The following BCR variants were observed in gnomAD, a reference collection of about 807,000 sequenced individuals.
The protein encoded by BCR is BCR activator of RhoGEF and GTPase, also known as breakpoint cluster region protein.
A neutral mutation model predicts 138.6 loss-of-function variants in BCR; 58 were observed. That is an observed-to-expected ratio of 0.42 (90% CI 0.34 to 0.52). The LOEUF (loss-of-function observed/expected upper bound fraction) is 0.52, where lower values mean the gene tolerates loss of function less well. Ranked by LOEUF, BCR falls within the 20% of genes least tolerant of loss-of-function variation. The pLI is 0.06. For missense variants in BCR, 1,599 were observed against 1,727.2 expected (o/e 0.93, Z 1.32); for synonymous variants, 786 against 730.1 (o/e 1.08, Z -1.23).
intron 1 of BCR, among the ~76,000 whole-genome samples, chr22:23,191,690 T>G (rs972513811): frequency 6.6e-6 from 1 of 152,148 alleles, no homozygotes; most frequent in African/African-American, 2.4e-5. Context: ...TGGAGGTCTG[T>G]GTCTCGGGCC....
chr22:23,193,427 C>T (rs1426659065), intron 1 of BCR, among the ~76,000 whole-genome samples: 1 of 152,236 alleles, frequency 6.6e-6, no homozygotes, highest in African/African-American at 2.4e-5. Context: ...TGTCTGGTCT[C>T]ATAGAGTCTC....
intron 1 of BCR, among the ~76,000 whole-genome samples, chr22:23,229,325 A>G (rs987910254): frequency 6.6e-6 from 1 of 152,112 alleles, no homozygotes; most frequent in Non-Finnish European, 1.5e-5. Context: ...TGATAATTCA[A>G]ACATTTGGGT....
chr22:23,182,423 A>G (rs1419133979), intron 1 of BCR, among the ~76,000 whole-genome samples, 184 bp downstream of exon 1: 1 of 152,254 alleles, frequency 6.6e-6, no homozygotes, highest in African/African-American at 2.4e-5. Context: ...TCCTGAATGC[A>G]TACTGTTAGT....
At chr22:23,311,584 A>G (rs2074008198) in intron 18 of BCR, 113 bp from the exon 19 acceptor site, 9 of 760,292 alleles carry the variant, frequency 1.2e-5, no homozygotes, top group Admixed American at 6.9e-5. Flanking sequence ...AGACCTGGGT[A>G]CCTTCGTCAC....
intron 1 of BCR, among the ~76,000 whole-genome samples, chr22:23,235,945 T>C (rs894913462): frequency 2.1e-4 from 32 of 152,178 alleles, no homozygotes; most frequent in Non-Finnish European, 2.2e-4. Flanking sequence ...TACCATCACA[T>C]TGGGGGTTAG....
chr22:23,272,558 C>A (rs938375794), intron 6 of BCR, among the ~76,000 whole-genome samples: 1 of 152,238 alleles, frequency 6.6e-6, no homozygotes, highest in East Asian at 1.9e-4. Context: ...GGCTCATGTG[C>A]CTCTGGAGTC....
intron 1 of BCR, among the ~76,000 whole-genome samples, chr22:23,247,079 T>C (rs2073165640): frequency 6.6e-6 from 1 of 152,142 alleles, no homozygotes; most frequent in Non-Finnish European, 1.5e-5. Context: ...GGACAGTGCC[T>C]GCCTGACAAT....
At position 23,194,708 on chromosome 22, in the gene BCR, G is replaced by A. The variant is rs954312274; in HGVS notation, c.1279+12469G>A. Among the ~76,000 whole-genome samples, 16 of 152,012 alleles carry A rather than the reference G, an allele frequency of 1.1e-4. No homozygotes were observed. The East Asian group carries it at 2.2e-3, about 20-fold the overall frequency. ...ATTACAGGCATGAGCCACTGTGCCC[G>A]GCCGGGTGGATCTCTTATTCCCAGG... On this transcript the variant is annotated intron_variant, in intron 1 of 22. Transcript: ENST00000305877.
intron 16 of BCR, among the ~76,000 whole-genome samples, chr22:23,297,214 G>T (rs77037542): frequency 0.13 from 10,948 of 83,644 alleles, 888 homozygotes; most frequent in African/African-American, 0.21. Flanking sequence ...GTTGTTTTTT[G>T]TTTTTTGTTT....
chr22:23,243,203 G>C (rs905374787), intron 1 of BCR, among the ~76,000 whole-genome samples: 3 of 152,134 alleles, frequency 2.0e-5, no homozygotes, highest in East Asian at 3.9e-4. Flanking sequence ...ATGCTAATGA[G>C]GTGATGCTTG....
intron 16 of BCR, chr22:23,302,445 G>A (rs551650964): frequency 3.9e-5 from 6 of 152,280 alleles, no homozygotes; most frequent in African/African-American, 9.6e-5. Context: ...CTCACCTCAC[G>A]GGAGGGTCTC....
intron 1 of BCR, among the ~76,000 whole-genome samples, chr22:23,183,582 C>A (rs1438304445): frequency 1.3e-5 from 2 of 152,228 alleles, no homozygotes; most frequent in South Asian, 4.1e-4. Flanking sequence ...TATTCAGAAG[C>A]CTGCTTTGCA....
At chr22:23,262,207 G>A (rs1011474920) in intron 4 of BCR, 5 of 152,554 alleles carry the variant, frequency 3.3e-5, no homozygotes, top group Non-Finnish European at 5.9e-5. Context: ...GGCAGGTGTG[G>A]CCAGAGGCCA....
intron 1 of BCR, among the ~76,000 whole-genome samples, chr22:23,207,871 G>C (rs893617783): frequency 5.3e-5 from 8 of 152,146 alleles, no homozygotes; most frequent in Admixed American, 1.3e-4. Flanking sequence ...AGTGAGCATG[G>C]AGTGTGCGAC....
chr22:23,181,530 G>A lies in BCR; in HGVS notation c.570G>A (p.Lys190=). ...VEFHHERGLV[K]VNDKEVSDRI... is the part of the protein sequence containing the mutation. ...TTCACCACGAGCGCGGCCTGGTGAA[G>A]GTCAACGACAAAGAGGTGTCGGACC... Residue 190 remains lysine (K), a synonymous_variant, in exon 1 of 23, where the codon AAG becomes AAA. Coordinates refer to ENST00000305877, the MANE Select transcript of BCR (RefSeq NM_004327.4). The A allele has an allele frequency of 4.3e-6, 7 of 1,612,940 alleles. No individual in the cohort carries two copies. Among genetic ancestry groups the A allele is most frequent in the South Asian group, 1.1e-5 (1 of 91,086 alleles).
chr22:23,205,036 C>T (rs2072595740), intron 1 of BCR, among the ~76,000 whole-genome samples: 1 of 152,196 alleles, frequency 6.6e-6, no homozygotes, highest in Non-Finnish European at 1.5e-5. Flanking sequence ...TACTTTGAGG[C>T]CATAATTTAC....
At chr22:23,200,567 A>T (rs79263073) in intron 1 of BCR, among the ~76,000 whole-genome samples, 73 of 151,656 alleles carry the variant, frequency 4.8e-4, no homozygotes, top group East Asian at 1.4e-3. Context: ...TTAAAAAAAA[A>T]TTTTTTTTGA....
chr22:23,184,271 T>G (rs2072310049), intron 1 of BCR, among the ~76,000 whole-genome samples: 2 of 151,904 alleles, frequency 1.3e-5, no homozygotes, highest in Admixed American at 1.3e-4. Context: ...TTTTTTTTTT[T>G]GTAAATACAG....
At chr22:23,268,096 A>G (rs558602788) in intron 4 of BCR, among the ~76,000 whole-genome samples, 1 of 152,254 alleles carries the variant, frequency 6.6e-6, no homozygotes, top group East Asian at 1.9e-4. Context: ...ACAACCTCAA[A>G]CTTCAGCTGC....
Sources: gnomAD v4.1 joint callset for allele counts (sites outside exome capture counted in the v4.1 genomes callset) on GRCh38, gnomAD v4.1.1 for gene constraint, MANE v1.5 for transcripts, NCBI Gene and HGNC (gene_info 2026-07-23, HGNC 2026-07-21) for gene names.